Variants in TMPRSS7 observed in about 807,000 individuals in gnomAD.
The protein encoded by TMPRSS7 is transmembrane serine protease 7, also known as transmembrane protease serine 7.
In TMPRSS7, 81 loss-of-function variants were observed where a neutral mutation model predicts 95.6. The observed-to-expected ratio is 0.85, with a 90% CI of 0.71 to 1.02. The LOEUF (loss-of-function observed/expected upper bound fraction) is 1.02, where lower values mean the gene tolerates loss of function less well. Among genes scored for constraint, TMPRSS7 ranks in the 50% least tolerant of loss-of-function variants. The pLI is 0.00. For synonymous variants in TMPRSS7, 364 were observed against 337.8 expected (o/e 1.08, Z -0.85); for missense variants, 945 against 955.2 (o/e 0.99, Z 0.14).
chr3:112,080,091 G>A (rs1214826363), intron 17 of TMPRSS7, among the ~76,000 whole-genome samples: 1 of 152,022 alleles, frequency 6.6e-6, no homozygotes, highest in Non-Finnish European at 1.5e-5. Context: ...TTCCTAATCA[G>A]GTATAAGATC....
At chr3:112,067,687 C>T (rs2073593584) in intron 13 of TMPRSS7, among the ~76,000 whole-genome samples, 1 of 151,780 alleles carries the variant, frequency 6.6e-6, no homozygotes, top group Non-Finnish European at 1.5e-5. Context: ...GCTTGTTTTT[C>T]TCTTGTAAAT....
intron 14 of TMPRSS7, among the ~76,000 whole-genome samples, chr3:112,074,751 GT>G (rs2107762615): frequency 6.6e-6 from 1 of 152,284 alleles, no homozygotes; most frequent in South Asian, 2.1e-4. Context: ...AATGCCTTAT[GT>G]TACTAACAAT....
chr3:112,064,578 G>T lies in TMPRSS7; in HGVS notation c.1555+946G>T, dbSNP rs548240542. Among the ~76,000 whole-genome samples the T allele has an allele frequency of 3.3e-5, 5 of 152,144 alleles. No homozygotes were observed. In the South Asian group the frequency reaches 1.0e-3, roughly 32 times the overall value. On this transcript the variant is annotated intron_variant, in intron 12 of 17. Coordinates refer to ENST00000452346, the Ensembl canonical transcript of TMPRSS7. ...AAAACTGCCCAGGCTGCCCAGGCTG[G>T]TGTCAAACTCCTGGCCTCAAGCATT...
rs767484415 is a variant in TMPRSS7, at chr3:112,050,798, C to T, written c.1203+15C>T. 2.1e-6 allele frequency: 3 copies of T among 1,442,366 alleles called. No homozygotes were observed. Among genetic ancestry groups the T allele is most frequent in the East Asian group, 2.3e-5 (1 of 42,782 alleles). 89.3% of individuals were successfully genotyped at this position (1,442,366 alleles called of 1,614,324 possible). On this transcript the variant is annotated intron_variant, in intron 9 of 17. Transcript: ENST00000452346. ...GGAAATTTCAGGTAGCCTAGTTCTA[C>T]CAGTGTCTTAGAAAAATATTACTGC...
intron 15 of TMPRSS7, among the ~76,000 whole-genome samples, chr3:112,076,485 G>T (rs1012972229): frequency 6.6e-6 from 1 of 152,134 alleles, no homozygotes; most frequent in African/African-American, 2.4e-5. Context: ...TTTGAATTTG[G>T]TAGTAGGATT....
At chr3:112,049,896 A>T in exon 8 of TMPRSS7, 1 of 1,560,234 alleles carries the variant, frequency 6.4e-7, no homozygotes, top group East Asian at 2.3e-5. Flanking sequence ...AAATAATCTC[A>T]TGTTGGTGAC....
intron 15 of TMPRSS7, 114 bp from the exon 16 acceptor site, chr3:112,076,762 C>G (rs577002787): frequency 4.5e-5 from 56 of 1,251,834 alleles, no homozygotes; most frequent in Non-Finnish European, 6.2e-5. Context: ...ACTATAATAA[C>G]ACCCTGGAAG....
chr3:112,068,720 G>A (rs760185140), intron 13 of TMPRSS7, among the ~76,000 whole-genome samples: 1 of 152,094 alleles, frequency 6.6e-6, no homozygotes, highest in Non-Finnish European at 1.5e-5. Context: ...AGGAGATTTT[G>A]GGCTGAGATG....
intron 10 of TMPRSS7, among the ~76,000 whole-genome samples, chr3:112,060,636 A>G (rs1447968291): frequency 6.6e-6 from 1 of 152,222 alleles, no homozygotes; most frequent in Non-Finnish European, 1.5e-5. Flanking sequence ...TTCCCTGAAC[A>G]TTGCTGTTAT....
chr3:112,060,541 T>A (rs188570438), intron 10 of TMPRSS7, among the ~76,000 whole-genome samples: 5 of 152,294 alleles, frequency 3.3e-5, no homozygotes, highest in African/African-American at 1.2e-4. Context: ...CAGTGATATT[T>A]CTCCCATTTG....
chr3:112,050,630 A>G (rs1175913847), intron 8 of TMPRSS7, 41 bp from the exon 9 acceptor site: 22 of 1,154,154 alleles, frequency 1.9e-5, no homozygotes, highest in Non-Finnish European at 2.7e-5. Flanking sequence ...CCATAATCTC[A>G]CAGCTGCAAA....
chr3:112,041,005 AC>A (rs1486999761), intron 2 of TMPRSS7, among the ~76,000 whole-genome samples: 1 of 151,812 alleles, frequency 6.6e-6, no homozygotes, highest in Non-Finnish European at 1.5e-5. Context: ...TAGAGTACTT[AC>A]TGATATGAGA....
exon 5 of TMPRSS7, chr3:112,045,790 G>T: frequency 2.6e-6 from 4 of 1,551,480 alleles, no homozygotes; most frequent in Non-Finnish European, 3.5e-6. Flanking sequence ...CTTTTGGATT[G>T]TTTTTGTCAT....
chr3:112,076,765 C>A, intron 15 of TMPRSS7, 111 bp from the exon 16 acceptor site: 1 of 1,286,438 alleles, frequency 7.8e-7, no homozygotes, highest in South Asian at 1.4e-5. Context: ...ATAATAACAC[C>A]CTGGAAGTCA....
chr3:112,080,064 C>T (rs1356316452), intron 17 of TMPRSS7, among the ~76,000 whole-genome samples: 7 of 152,128 alleles, frequency 4.6e-5, no homozygotes, highest in Non-Finnish European at 8.8e-5. Flanking sequence ...AGCCCAGCTT[C>T]CCTACTAGTT....
intron 9 of TMPRSS7, among the ~76,000 whole-genome samples, chr3:112,055,499 A>G (rs2073422636): frequency 6.9e-6 from 1 of 145,358 alleles, no homozygotes; most frequent in African/African-American, 2.5e-5. Flanking sequence ...ATATAATACG[A>G]TGACATAACT....
intron 3 of TMPRSS7, 66 bp from the exon 4 acceptor site, chr3:112,044,188 CA>C: frequency 8.5e-7 from 1 of 1,181,702 alleles, no homozygotes; most frequent in South Asian, 1.3e-5. Context: ...GGGCCTACAA[CA>C]TTTAAGATAC....
chr3:112,043,634 T>C (rs2073239273), intron 3 of TMPRSS7, among the ~76,000 whole-genome samples: 1 of 152,174 alleles, frequency 6.6e-6, no homozygotes, highest in Admixed American at 6.5e-5. Context: ...GGAAGGGGAA[T>C]ACTAGAGAAA....
intron 9 of TMPRSS7, among the ~76,000 whole-genome samples, chr3:112,052,925 A>T (rs746856272): frequency 1.2e-5 from 1 of 82,690 alleles, no homozygotes; most frequent in South Asian, 4.1e-4. Context: ...AATGCTGAAG[A>T]AAAAAAAAAA....
Sources: gnomAD v4.1 joint callset for allele counts (sites outside exome capture counted in the v4.1 genomes callset) on GRCh38, gnomAD v4.1.1 for gene constraint, MANE v1.5 for transcripts, NCBI Gene and HGNC (gene_info 2026-07-23, HGNC 2026-07-21) for gene names.